THADA: variants seen among roughly 807,000 people sequenced by gnomAD.
THADA encodes THADA armadillo repeat containing, also known as tRNA (32-2'-O)-methyltransferase regulator THADA.
A neutral mutation model predicts 219.8 loss-of-function variants in THADA; 213 were observed. That is an observed-to-expected ratio of 0.97 (90% CI 0.87 to 1.09). THADA has a LOEUF of 1.09. Ranked by LOEUF, THADA falls within the 50% of genes least tolerant of loss-of-function variation. The pLI is 0.00. For synonymous variants in THADA, 1,018 were observed against 828.9 expected (o/e 1.23, Z -3.92); for missense variants, 2,956 against 2,311.3 (o/e 1.28, Z -5.72).
At chr2:43,540,871 T>G (rs1695204985) in intron 21 of THADA, among the ~76,000 whole-genome samples, 1 of 152,182 alleles carries the variant, frequency 6.6e-6, no homozygotes, top group Admixed American at 6.5e-5. Flanking sequence ...AGTTTAAGTC[T>G]GTGTATGTGA....
chr2:43,511,881 C>T (rs1252452653), intron 22 of THADA, among the ~76,000 whole-genome samples: 1 of 152,014 alleles, frequency 6.6e-6, no homozygotes, highest in African/African-American at 2.4e-5. Context: ...ACATGTAGGT[C>T]GAATGGTGGA....
At chr2:43,268,595 G>T (rs1327423494) in intron 36 of THADA, among the ~76,000 whole-genome samples, 1 of 152,222 alleles carries the variant, frequency 6.6e-6, no homozygotes, top group Admixed American at 6.5e-5. Flanking sequence ...TTGGAGTTTG[G>T]TGGGTAGGAT....
At chr2:43,488,095 A>T (rs1183630270) in intron 25 of THADA, among the ~76,000 whole-genome samples, 1 of 152,178 alleles carries the variant, frequency 6.6e-6, no homozygotes, top group Non-Finnish European at 1.5e-5. Context: ...CCATATATTG[A>T]TCATTTTCAG....
At chr2:43,434,538 A>C (rs561571178) in intron 26 of THADA, among the ~76,000 whole-genome samples, 2 of 152,170 alleles carry the variant, frequency 1.3e-5, no homozygotes, top group African/African-American at 4.8e-5. Flanking sequence ...AGAGGGGCAC[A>C]TGGGCGGAGG....
chr2:43,567,859 C>G (rs1037028619), intron 14 of THADA, among the ~76,000 whole-genome samples: 5 of 152,176 alleles, frequency 3.3e-5, no homozygotes, highest in Non-Finnish European at 7.3e-5. Context: ...ATCCGTTGGC[C>G]TATCACTGAA....
intron 26 of THADA, among the ~76,000 whole-genome samples, chr2:43,461,833 T>C (rs1573767570): frequency 6.6e-6 from 1 of 152,238 alleles, no homozygotes; most frequent in African/African-American, 2.4e-5. Context: ...ATCAAAGGCC[T>C]GAAAATGTTC....
Position 43,266,308 on chromosome 2 carries a change from C to T in THADA, c.5296+13457G>A, listed in dbSNP as rs541655057. ...AGCCACTCTAGAATGTAACATGCTC[C>T]GGGCTGGGCATGGTGGCTCACGCCT... On this transcript the variant is annotated intron_variant, in intron 36 of 37. Transcript: ENST00000405975. 1.1e-4 allele frequency among the ~76,000 whole-genome samples: 16 copies of T among 152,274 alleles called. No homozygotes were observed. In the South Asian group the frequency reaches 1.5e-3, roughly 14 times the overall value.
Position 43,485,224 on chromosome 2 carries a change from T to C in THADA, c.3836+10A>G, listed in dbSNP as rs899525659. 5.0e-6 allele frequency: 8 copies of C among 1,597,336 alleles called. No individual in the cohort carries two copies. The African/African-American group carries it at 1.1e-4, about 21-fold the overall frequency. On this transcript the variant is annotated intron_variant, in intron 26 of 37. Coordinates refer to ENST00000405975, the MANE Select transcript of THADA (RefSeq NM_022065.5). The stretch of plus-strand genomic sequence containing the variant: ...TAAAAAAAGTAAAGTTAGCCTTAAA[T>C]GGAGCTTACCTATTTGTTTTGGAAT...
intron 34 of THADA, among the ~76,000 whole-genome samples, chr2:43,288,887 G>T (rs903746202): frequency 1.3e-5 from 2 of 152,110 alleles, no homozygotes; most frequent in African/African-American, 2.4e-5. Context: ...CACCACCACG[G>T]TCAATTTCAG....
intron 26 of THADA, among the ~76,000 whole-genome samples, chr2:43,435,781 C>CAAAAAAAAAAAAAAAAAAAAA (rs542080356): frequency 1.9e-5 from 1 of 53,794 alleles, no homozygotes; most frequent in Non-Finnish European, 3.9e-5. Flanking sequence ...AACTTGCCAC[C>CAAAAAAAAAAAAAAAAAAAAA]AAAAAAAAAA....
chr2:43,469,626 T>A (rs1267864951), intron 26 of THADA, among the ~76,000 whole-genome samples: 1 of 152,252 alleles, frequency 6.6e-6, no homozygotes, highest in South Asian at 2.1e-4. Context: ...TGAATGTTTA[T>A]ATTCTTTAAC....
At chr2:43,339,158 G>A (rs1474580818) in intron 30 of THADA, among the ~76,000 whole-genome samples, 1 of 152,150 alleles carries the variant, frequency 6.6e-6, no homozygotes, top group Non-Finnish European at 1.5e-5. Flanking sequence ...TCCAAATTTT[G>A]TACTTGACTA....
intron 29 of THADA, among the ~76,000 whole-genome samples, chr2:43,350,806 G>A (rs1668167458): frequency 6.6e-6 from 1 of 152,196 alleles, no homozygotes; most frequent in Admixed American, 6.5e-5. Flanking sequence ...CCTGTTTATT[G>A]GGTAAGAATA....
intron 26 of THADA, among the ~76,000 whole-genome samples, chr2:43,480,232 C>T (rs530352472): frequency 2.3e-4 from 35 of 152,184 alleles, no homozygotes; most frequent in Non-Finnish European, 4.0e-4. Flanking sequence ...CTGCCTACCT[C>T]GCAGAGCTGT....
chr2:43,541,362 T>C, intron 20 of THADA, 46 bp from the exon 21 acceptor site: 1 of 1,597,574 alleles, frequency 6.3e-7, no homozygotes, highest in Non-Finnish European at 8.5e-7. Flanking sequence ...ATTACTCATA[T>C]CCCAGGTTTC....
chr2:43,260,453 AT>A (rs1572814687), intron 36 of THADA, among the ~76,000 whole-genome samples: 2 of 152,252 alleles, frequency 1.3e-5, no homozygotes, highest in East Asian at 3.9e-4. Flanking sequence ...TATATTATTC[AT>A]AAAAACTTAA....
chr2:43,370,467 C>A (rs1343607521), intron 29 of THADA, among the ~76,000 whole-genome samples: 2 of 152,124 alleles, frequency 1.3e-5, no homozygotes, highest in Non-Finnish European at 2.9e-5. Context: ...ACAGAAGTTT[C>A]ATGTTGAACA....
chr2:43,232,614 C>G (rs1165510724), intron 37 of THADA, 99 bp downstream of exon 37: 1 of 1,322,762 alleles, frequency 7.6e-7, no homozygotes, highest in Non-Finnish European at 1.0e-6. Context: ...TGCTCTGTGT[C>G]TAAGCATGCA....
intron 26 of THADA, among the ~76,000 whole-genome samples, chr2:43,460,380 A>G (rs1019038065): frequency 2.6e-5 from 4 of 152,228 alleles, no homozygotes; most frequent in Admixed American, 1.3e-4. Flanking sequence ...TGTGACTGTA[A>G]CACTATTCTG....
Sources: gnomAD v4.1 joint callset for allele counts (sites outside exome capture counted in the v4.1 genomes callset) on GRCh38, gnomAD v4.1.1 for gene constraint, MANE v1.5 for transcripts, NCBI Gene and HGNC (gene_info 2026-07-23, HGNC 2026-07-21) for gene names.